Variants in CDH13 observed in about 807,000 individuals in gnomAD.
CDH13 encodes the protein cadherin-13.
CDH13 carries 24 observed loss-of-function variants against 63.8 expected under a neutral mutation model. That is an observed-to-expected ratio of 0.38 (90% CI 0.27 to 0.53). The LOEUF (loss-of-function observed/expected upper bound fraction) is 0.53. CDH13 is among the 20% of genes least tolerant of loss of function. The probability of loss-of-function intolerance (pLI) is 0.85; values close to 1 mark genes in which losing one functional copy is unlikely to be tolerated. For missense variants in CDH13, 1,049 were observed against 903.1 expected, an observed-to-expected ratio of 1.16 and a Z score of -2.07; for synonymous variants, 503 against 355.3, an observed-to-expected ratio of 1.42 and a Z score of -4.67.
intron 6 of CDH13, among the ~76,000 whole-genome samples, chr16:83,475,580 T>C (rs917651792): frequency 6.6e-6 from 1 of 151,958 alleles, no homozygotes; most frequent in Non-Finnish European, 1.5e-5. Context: ...GTGGTTTTTG[T>C]TGTTGTTGTT....
chr16:82,774,147 T>G (rs1199358809), intron 1 of CDH13, among the ~76,000 whole-genome samples: 1 of 152,120 alleles, frequency 6.6e-6, no homozygotes, highest in African/African-American at 2.4e-5. Flanking sequence ...AAAATGTGCT[T>G]CCCTAATTGG....
intron 7 of CDH13, among the ~76,000 whole-genome samples, chr16:83,562,453 G>A (rs778411749): frequency 5.3e-5 from 8 of 152,278 alleles, no homozygotes; most frequent in Non-Finnish European, 1.0e-4. Flanking sequence ...ACAACACTGG[G>A]TTACATTTGG....
chr16:82,642,626 GT>G (rs1054963970), intron 1 of CDH13, among the ~76,000 whole-genome samples: 1 of 152,124 alleles, frequency 6.6e-6, no homozygotes, highest in Non-Finnish European at 1.5e-5. Context: ...GGCAAGACCT[GT>G]TTTCTCTGTT....
intron 5 of CDH13, among the ~76,000 whole-genome samples, chr16:83,236,975 G>C (rs2040162925): frequency 6.6e-6 from 1 of 151,968 alleles, no homozygotes; most frequent in South Asian, 2.1e-4. Context: ...AAAAATCACA[G>C]TGCACAAAAA....
intron 6 of CDH13, among the ~76,000 whole-genome samples, chr16:83,442,493 G>C (rs2072507769): frequency 6.6e-6 from 1 of 152,192 alleles, no homozygotes; most frequent in African/African-American, 2.4e-5. Flanking sequence ...TGTCACCTTG[G>C]AGAACTCAGT....
intron 1 of CDH13, among the ~76,000 whole-genome samples, chr16:82,651,378 C>G (rs1372589128): frequency 6.6e-6 from 1 of 152,178 alleles, no homozygotes; most frequent in Non-Finnish European, 1.5e-5. Context: ...TTCACCCAAC[C>G]ATCAGAAGCC....
chr16:83,433,424 G>T (rs1315692799), intron 6 of CDH13, among the ~76,000 whole-genome samples: 1 of 152,172 alleles, frequency 6.6e-6, no homozygotes, highest in Middle Eastern at 3.2e-3. Context: ...GTGAATGTGG[G>T]CTATCATTCA....
At chr16:82,934,940 C>A (rs1224019179) in intron 2 of CDH13, among the ~76,000 whole-genome samples, 1 of 152,198 alleles carries the variant, frequency 6.6e-6, no homozygotes, top group Admixed American at 6.5e-5. Flanking sequence ...TCTTCTGAGT[C>A]CTCCAAACTG....
intron 8 of CDH13, among the ~76,000 whole-genome samples, chr16:83,624,513 G>T (rs1017037498): frequency 2.6e-5 from 4 of 152,088 alleles, no homozygotes; most frequent in Non-Finnish European, 5.9e-5. Flanking sequence ...CGTGCAGCCT[G>T]GATCCCTCTC....
chr16:83,034,720 A>G (rs1475307995), intron 3 of CDH13, among the ~76,000 whole-genome samples: 1 of 152,156 alleles, frequency 6.6e-6, no homozygotes, highest in East Asian at 1.9e-4. Flanking sequence ...TTTGCTTCAA[A>G]GAGAGCAGAA....
chr16:83,225,946 CA>C (rs773395709), intron 5 of CDH13, among the ~76,000 whole-genome samples: 4 of 152,122 alleles, frequency 2.6e-5, no homozygotes, highest in Non-Finnish European at 5.9e-5. Context: ...AAATAAAAGT[CA>C]AAGATCTCAT....
At chr16:83,745,697 A>C (rs140421666) in intron 10 of CDH13, among the ~76,000 whole-genome samples, 1 of 152,264 alleles carries the variant, frequency 6.6e-6, no homozygotes, top group African/African-American at 2.4e-5. Context: ...CCCAGGTAAC[A>C]ATCCCATTGC....
intron 3 of CDH13, among the ~76,000 whole-genome samples, chr16:83,066,939 C>G (rs1484320955): frequency 6.6e-6 from 1 of 152,192 alleles, no homozygotes; most frequent in Non-Finnish European, 1.5e-5. Context: ...TTCAGACTGT[C>G]TTTGTCACCA....
chr16:83,102,715 G>GA (rs2034542920), intron 3 of CDH13, among the ~76,000 whole-genome samples: 1 of 152,078 alleles, frequency 6.6e-6, no homozygotes, highest in South Asian at 2.1e-4. Context: ...TAGGAGGATT[G>GA]TGTTTTGATC....
intron 1 of CDH13, chr16:82,727,795 A>G (rs1312045253): frequency 3.9e-5 from 6 of 152,044 alleles, no homozygotes; most frequent in Admixed American, 6.6e-5. Flanking sequence ...GGCAGCCCCA[A>G]CCTATGGGAA....
rs189685567 is a variant in CDH13, at chr16:83,733,732, G to A, written c.1539-14376G>A. Among the ~76,000 whole-genome samples the A allele has an allele frequency of 1.1e-4, 17 of 152,276 alleles. No homozygotes were observed. The East Asian group carries it at 2.3e-3, about 21-fold the overall frequency. ...TAAACTCTGAGAACAAATACAGAGG[G>A]GTGATTAACTTTCCCATTCTGGTCT... On this transcript the variant is annotated intron_variant, in intron 10 of 13. Coordinates refer to ENST00000567109, the MANE Select transcript of CDH13 (RefSeq NM_001257.5).
intron 4 of CDH13, among the ~76,000 whole-genome samples, chr16:83,134,583 G>A (rs528820836): frequency 4.4e-4 from 26 of 59,734 alleles, no homozygotes; most frequent in African/African-American, 3.2e-3. Flanking sequence ...GAGAGAGAGA[G>A]AGAGAGAGAG....
At chr16:83,400,404 G>C (rs893036957) in intron 6 of CDH13, among the ~76,000 whole-genome samples, 1 of 152,112 alleles carries the variant, frequency 6.6e-6, no homozygotes, top group Admixed American at 6.5e-5. Flanking sequence ...GACGGCTACC[G>C]GATGGCCCAA....
chr16:83,038,649 C>A (rs971608482), intron 3 of CDH13, among the ~76,000 whole-genome samples: 1 of 152,144 alleles, frequency 6.6e-6, no homozygotes, highest in Non-Finnish European at 1.5e-5. Flanking sequence ...GAGGGGTCTG[C>A]GTGTGTGTGT....
Sources: allele counts gnomAD v4.1 joint callset (sites outside exome capture counted in the v4.1 genomes callset), GRCh38; gene constraint gnomAD v4.1.1; transcripts MANE v1.5; gene names NCBI Gene and HGNC (gene_info 2026-07-23, HGNC 2026-07-21).